Variants in MSRA observed in about 807,000 individuals in gnomAD.
MSRA encodes the protein methionine sulfoxide reductase A.
In MSRA, 54 loss-of-function variants were observed where a neutral mutation model predicts 31.3. The observed-to-expected ratio is 1.73, with a 90% CI of 1.39 to 2.17. The LOEUF (loss-of-function observed/expected upper bound fraction) is 2.17, where lower values mean the gene tolerates loss of function less well. Among genes scored for constraint, MSRA ranks in the 30% most tolerant of loss-of-function variants. The pLI is 0.00. For synonymous variants in MSRA, 169 were observed against 116.5 expected (o/e 1.45, Z -2.90); for missense variants, 507 against 300.9 (o/e 1.69, Z -5.07).
chr8:10,086,698 C>G (rs779898430), intron 1 of MSRA, among the ~76,000 whole-genome samples: 4 of 151,242 alleles, frequency 2.6e-5, no homozygotes, highest in Non-Finnish European at 5.9e-5. Flanking sequence ...ATTTTTATGT[C>G]CATTGTGGCT....
chr8:10,337,899 C>A, intron 5 of MSRA: 1 of 676,946 alleles, frequency 1.5e-6, no homozygotes, highest in Non-Finnish European at 2.7e-6. Context: ...TTTGTTATGA[C>A]AGCAGGGCTT....
At chr8:10,090,089 G>C (rs1197446085) in intron 1 of MSRA, among the ~76,000 whole-genome samples, 1 of 152,200 alleles carries the variant, frequency 6.6e-6, no homozygotes, top group Admixed American at 6.5e-5. Context: ...GTGTGTGCCT[G>C]CTGGGATTCA....
intron 1 of MSRA, among the ~76,000 whole-genome samples, chr8:10,100,393 A>G (rs943210039): frequency 6.6e-6 from 1 of 152,080 alleles, no homozygotes; most frequent in South Asian, 2.1e-4. Flanking sequence ...GCAGGAAGGT[A>G]CCAAGTCCCC....
intron 1 of MSRA, among the ~76,000 whole-genome samples, chr8:10,171,080 T>C (rs910944861): frequency 6.6e-6 from 1 of 152,232 alleles, no homozygotes; most frequent in African/African-American, 2.4e-5. Flanking sequence ...CTGTCATTTT[T>C]ACTTTTATTT....
intron 1 of MSRA, among the ~76,000 whole-genome samples, chr8:10,059,302 TA>T (rs1802571416): frequency 6.6e-6 from 1 of 152,212 alleles, no homozygotes; most frequent in South Asian, 2.1e-4. Flanking sequence ...TGTAGTAATT[TA>T]CTAATGCATT....
intron 1 of MSRA, among the ~76,000 whole-genome samples, chr8:10,183,987 G>C (rs1173443758): frequency 1.1e-3 from 2 of 1,884 alleles, no homozygotes; most frequent in African/African-American, 2.1e-3. Flanking sequence ...TAGTGTTGCT[G>C]GTTTTCTTGG....
At chr8:10,127,346 T>C (rs1801576033) in intron 1 of MSRA, among the ~76,000 whole-genome samples, 1 of 152,218 alleles carries the variant, frequency 6.6e-6, no homozygotes, top group Non-Finnish European at 1.5e-5. Context: ...ATGTTCAATT[T>C]TGTTTCTTCT....
intron 5 of MSRA, among the ~76,000 whole-genome samples, chr8:10,392,523 C>G (rs370216427): frequency 6.6e-6 from 1 of 152,222 alleles, no homozygotes; most frequent in South Asian, 2.1e-4. Flanking sequence ...CTTCCTCTGT[C>G]TCTGGGGATC....
chr8:10,392,720 A>G (rs1329042290), intron 5 of MSRA, among the ~76,000 whole-genome samples: 2 of 149,216 alleles, frequency 1.3e-5, no homozygotes, highest in Non-Finnish European at 3.0e-5. Flanking sequence ...GGAAGGTCAA[A>G]TTAGCTGATC....
chr8:10,282,419 C>T (rs1396455367), intron 3 of MSRA, among the ~76,000 whole-genome samples: 2 of 152,196 alleles, frequency 1.3e-5, no homozygotes, highest in Non-Finnish European at 2.9e-5. Context: ...AAGATGAAAG[C>T]TACAAAAGTC....
intron 5 of MSRA, among the ~76,000 whole-genome samples, chr8:10,348,281 G>T (rs961747906): frequency 6.7e-6 from 1 of 149,170 alleles, no homozygotes; most frequent in African/African-American, 2.5e-5. Flanking sequence ...TCTCCGCGGA[G>T]ATTTTTTTTT....
chr8:10,076,616 T>C lies in MSRA; in HGVS notation c.142+21958T>C, dbSNP rs139297999. Among the ~76,000 whole-genome samples, 34 of 152,266 alleles carry C rather than the reference T, an allele frequency of 2.2e-4. 1 individual carries two copies. The East Asian group carries it at 6.6e-3, about 29-fold the overall frequency. On this transcript the variant is annotated intron_variant, in intron 1 of 5. Transcript: ENST00000317173. ...TTCCTGATTGCCCCAGTCTAGTTTATCGCAAGGGAATTTCTTTGCGGGGCA... is the reference window on the plus strand; with the variant it reads ...TTCCTGATTGCCCCAGTCTAGTTTACCGCAAGGGAATTTCTTTGCGGGGCA...
In MSRA at chr8:10,154,308, A is replaced by G. The variant is rs191599210; in HGVS notation, c.143-53525A>G. On this transcript the variant is annotated intron_variant, in intron 1 of 5. Transcript: ENST00000317173. Reference sequence around the variant, plus strand: ...CAGGGGTGCTACCCAATAAGGTAGCACCCAAATCGGCTTCACTGCTTCAAT... The same window carrying G: ...CAGGGGTGCTACCCAATAAGGTAGCGCCCAAATCGGCTTCACTGCTTCAAT... Among the ~76,000 whole-genome samples the G allele has an allele frequency of 4.0e-4, 61 of 151,738 alleles. No homozygotes were observed. In the East Asian group the frequency reaches 0.01, roughly 26 times the overall value.
chr8:10,279,446 C>G (rs1407696443), intron 3 of MSRA, among the ~76,000 whole-genome samples: 1 of 152,162 alleles, frequency 6.6e-6, no homozygotes, highest in African/African-American at 2.4e-5. Context: ...CCTTTGGCAT[C>G]TCATCTTTGG....
chr8:10,145,863 C>T (rs535021081), intron 1 of MSRA, among the ~76,000 whole-genome samples: 7 of 152,194 alleles, frequency 4.6e-5, no homozygotes, highest in Admixed American at 4.6e-4. Flanking sequence ...GGCATTGTAA[C>T]TTGAAAGCTT....
intron 2 of MSRA, among the ~76,000 whole-genome samples, chr8:10,222,833 G>A (rs2129068449): frequency 6.6e-6 from 1 of 152,330 alleles, no homozygotes; most frequent in Middle Eastern, 3.4e-3. Flanking sequence ...ACCAGGGGCT[G>A]GAGAGATGTT....
intron 3 of MSRA, among the ~76,000 whole-genome samples, chr8:10,255,702 G>A (rs1798140604): frequency 1.3e-5 from 2 of 151,856 alleles, no homozygotes; most frequent in African/African-American, 2.4e-5. Context: ...ACAATCATCT[G>A]TCTGGTTTTG....
chr8:10,120,913 A>G (rs1275690697), intron 1 of MSRA, among the ~76,000 whole-genome samples: 1 of 152,180 alleles, frequency 6.6e-6, no homozygotes, highest in East Asian at 1.9e-4. Context: ...GTGTTCCCAA[A>G]TCATTTTATG....
intron 3 of MSRA, among the ~76,000 whole-genome samples, chr8:10,251,936 C>A (rs1245574030): frequency 6.6e-6 from 1 of 151,734 alleles, no homozygotes; most frequent in Non-Finnish European, 1.5e-5. Flanking sequence ...TCTTCCAATA[C>A]AACAGCTTTC....
Sources: allele counts gnomAD v4.1 joint callset (sites outside exome capture counted in the v4.1 genomes callset), GRCh38; gene constraint gnomAD v4.1.1; transcripts MANE v1.5; gene names NCBI Gene and HGNC (gene_info 2026-07-23, HGNC 2026-07-21).